Variants in XKR9 observed in about 807,000 individuals in gnomAD.
The protein encoded by XKR9 is XK related 9.
In XKR9, 32 loss-of-function variants were observed where a neutral mutation model predicts 32.0. The observed-to-expected ratio is 1.00, with a 90% CI of 0.76 to 1.34. The LOEUF (loss-of-function observed/expected upper bound fraction) is 1.34, where lower values mean the gene tolerates loss of function less well. Among genes scored for constraint, XKR9 ranks in the 40% most tolerant of loss-of-function variants. The pLI is 0.00. For missense variants in XKR9, 546 were observed against 429.7 expected (o/e 1.27, Z -2.39); for synonymous variants, 168 against 143.4 (o/e 1.17, Z -1.22).
the XKR9 span, among the ~76,000 whole-genome samples, chr8:70,836,699 A>G: frequency 1.3e-5 from 2 of 152,118 alleles, no homozygotes; most frequent in Non-Finnish European, 2.9e-5. Context: ...GTGCATTCAT[A>G]TTTCTTGGGC....
chr8:70,698,227 C>G (rs1805366662), intron 3 of XKR9, among the ~76,000 whole-genome samples: 1 of 151,826 alleles, frequency 6.6e-6, no homozygotes, highest in South Asian at 2.1e-4. Context: ...CTTCTGCTAG[C>G]TTTTGAATGT....
At chr8:71,008,653 A>G in the XKR9 span, among the ~76,000 whole-genome samples, 1 of 152,126 alleles carries the variant, frequency 6.6e-6, no homozygotes, top group Admixed American at 6.6e-5. Flanking sequence ...TTTAGACAGA[A>G]TCTCACTCTG....
chr8:71,039,105 A>C, the XKR9 span, among the ~76,000 whole-genome samples: 2 of 152,126 alleles, frequency 1.3e-5, no homozygotes, highest in Non-Finnish European at 2.9e-5. Context: ...TGCCTGGCCC[A>C]GGATGCTGAT....
chr8:71,057,753 T>G, the XKR9 span, among the ~76,000 whole-genome samples: 3 of 151,908 alleles, frequency 2.0e-5, no homozygotes, highest in Non-Finnish European at 4.4e-5. Context: ...CTATTAGCAT[T>G]GTGTGACACT....
the XKR9 span, among the ~76,000 whole-genome samples, chr8:70,855,306 A>G: frequency 6.6e-6 from 1 of 152,170 alleles, no homozygotes; most frequent in African/African-American, 2.4e-5. Flanking sequence ...GCTGAAAACC[A>G]CAGCACGAGA....
intron 3 of XKR9, among the ~76,000 whole-genome samples, chr8:70,706,209 CTAAA>C (rs1249758111): frequency 1.3e-5 from 2 of 152,034 alleles, no homozygotes; most frequent in African/African-American, 2.4e-5. Flanking sequence ...CAGATTTCTT[CTAAA>C]TAAATGTTTC....
intron 2 of XKR9, among the ~76,000 whole-genome samples, chr8:70,769,889 T>G (rs1168459896): frequency 6.6e-6 from 1 of 151,998 alleles, no homozygotes; most frequent in Non-Finnish European, 1.5e-5. Context: ...AGAACATGCT[T>G]CTTTAGCTTG....
chr8:71,061,254 T>G, the XKR9 span, among the ~76,000 whole-genome samples: 1 of 152,140 alleles, frequency 6.6e-6, no homozygotes, highest in Non-Finnish European at 1.5e-5. Context: ...TCTTGAGGGC[T>G]CTCCATCTTT....
the XKR9 span, among the ~76,000 whole-genome samples, chr8:71,014,708 T>A: frequency 2.0e-5 from 3 of 152,186 alleles, no homozygotes; most frequent in East Asian, 5.8e-4. Context: ...GGGGCCATCA[T>A]TCAATCCAGT....
intron 1 of XKR9, among the ~76,000 whole-genome samples, chr8:70,673,495 C>T (rs748187168): frequency 7.2e-5 from 11 of 152,238 alleles, no homozygotes; most frequent in Middle Eastern, 3.4e-3. Flanking sequence ...GGTAAAGAAA[C>T]CTATGGACAG....
At chr8:71,054,189 A>G in the XKR9 span, among the ~76,000 whole-genome samples, 3 of 152,228 alleles carry the variant, frequency 2.0e-5, no homozygotes, top group South Asian at 4.1e-4. Context: ...GGAGGCTTTC[A>G]TGCAGCAATA....
intron 4 of XKR9, among the ~76,000 whole-genome samples, chr8:70,715,757 A>G (rs1806066952): frequency 6.6e-6 from 1 of 152,206 alleles, no homozygotes; most frequent in Non-Finnish European, 1.5e-5. Flanking sequence ...ACTGAATGGC[A>G]TGAAATTTTT....
At chr8:70,689,673 G>A (rs1819443450) in intron 3 of XKR9, among the ~76,000 whole-genome samples, 1 of 151,854 alleles carries the variant, frequency 6.6e-6, no homozygotes, top group African/African-American at 2.4e-5. Flanking sequence ...CTGTGCAATG[G>A]CATAGTACAT....
chr8:70,812,243 C>G, the XKR9 span, among the ~76,000 whole-genome samples: 404 of 152,180 alleles, frequency 2.7e-3, 2 homozygotes, highest in African/African-American at 8.0e-3. Context: ...ATTCAACAAC[C>G]CTTCATGGTA....
chr8:70,822,852 T>C, the XKR9 span, among the ~76,000 whole-genome samples: 1 of 152,096 alleles, frequency 6.6e-6, no homozygotes, highest in Non-Finnish European at 1.5e-5. Context: ...AGGTAAAGAA[T>C]ACAAGACATT....
chr8:70,750,958 G>T (rs116379708), intron 2 of XKR9, among the ~76,000 whole-genome samples: 1 of 152,166 alleles, frequency 6.6e-6, no homozygotes, highest in Non-Finnish European at 1.5e-5. Context: ...TCTCCGTAGT[G>T]TGGTTGGGCC....
At chr8:70,896,012 AAAG>A in the XKR9 span, among the ~76,000 whole-genome samples, 10 of 152,212 alleles carry the variant, frequency 6.6e-5, no homozygotes, top group Admixed American at 2.0e-4. Flanking sequence ...TACTTTAAAA[AAAG>A]AAGATTTTTT....
At chr8:70,894,009 G>A in the XKR9 span, among the ~76,000 whole-genome samples, 1 of 152,000 alleles carries the variant, frequency 6.6e-6, no homozygotes, top group Non-Finnish European at 1.5e-5. Context: ...CCAGGGAGTT[G>A]GTTGTAGCTG....
the XKR9 span, among the ~76,000 whole-genome samples, chr8:70,802,174 G>A: frequency 6.6e-6 from 1 of 151,762 alleles, no homozygotes; most frequent in African/African-American, 2.4e-5. Flanking sequence ...CTGACCTCGT[G>A]AGCCGCCCGC....
Sources: gnomAD v4.1 joint callset for allele counts (sites outside exome capture counted in the v4.1 genomes callset) on GRCh38, gnomAD v4.1.1 for gene constraint, MANE v1.5 for transcripts, NCBI Gene and HGNC (gene_info 2026-07-23, HGNC 2026-07-21) for gene names.